The following EYS variants were observed in gnomAD, a reference collection of about 807,000 sequenced individuals.
The protein encoded by EYS is EGF-like photoreceptor maintenance factor.
A neutral mutation model predicts 282.1 loss-of-function variants in EYS; 250 were observed. That is an observed-to-expected ratio of 0.89 (90% confidence interval 0.80 to 0.98). The LOEUF (loss-of-function observed/expected upper bound fraction) is 0.98. EYS is among the 50% of genes least tolerant of loss of function. EYS has a pLI of 0.00. For synonymous variants in EYS, 1,355 were observed against 1,282.9 expected (o/e 1.06, Z -1.20); for missense variants, 4,016 against 3,709.0 (o/e 1.08, Z -2.15).
At chr6:63,864,992 C>A (rs1772636668) in intron 35 of EYS, among the ~76,000 whole-genome samples, 1 of 152,206 alleles carries the variant, frequency 6.6e-6, no homozygotes, top group Non-Finnish European at 1.5e-5. Context: ...TTTGTTATTT[C>A]TGCCTCTCTG....
intron 12 of EYS, among the ~76,000 whole-genome samples, chr6:65,274,264 A>G (rs956544709): frequency 1.3e-5 from 2 of 152,194 alleles, no homozygotes; most frequent in Non-Finnish European, 2.9e-5. Flanking sequence ...AAGATTGCAG[A>G]GGTTAGTTCT....
At chr6:64,824,437 T>C (rs1434344520) in intron 19 of EYS, among the ~76,000 whole-genome samples, 2 of 151,956 alleles carry the variant, frequency 1.3e-5, no homozygotes, top group Non-Finnish European at 2.9e-5. Context: ...AAAAACAACC[T>C]AGCCAAGGTC....
At chr6:64,633,676 T>C (rs13215519) in intron 22 of EYS, among the ~76,000 whole-genome samples, 80 of 151,120 alleles carry the variant, frequency 5.3e-4, no homozygotes, top group Non-Finnish European at 9.1e-4. Context: ...ACCCCCATCA[T>C]TGGAAAGTTG....
chr6:63,940,413 A>C (rs182051902), intron 35 of EYS, among the ~76,000 whole-genome samples: 3 of 152,190 alleles, frequency 2.0e-5, no homozygotes, highest in African/African-American at 7.2e-5. Flanking sequence ...TTTTAATCTT[A>C]TATTGAAAAT....
intron 19 of EYS, among the ~76,000 whole-genome samples, chr6:64,862,950 G>A (rs1033024770): frequency 6.6e-6 from 1 of 151,990 alleles, no homozygotes. Flanking sequence ...TCCATTTAAA[G>A]TTGTGTTGGG....
intron 8 of EYS, among the ~76,000 whole-genome samples, chr6:65,381,166 C>G (rs925431191): frequency 1.3e-5 from 2 of 152,004 alleles, no homozygotes; most frequent in Admixed American, 1.3e-4. Flanking sequence ...AGCATGCACA[C>G]GTATGTTTAT....
rs115312666 is a variant in EYS, at chr6:63,930,512, G to A, written c.7055+53871C>T. 9.1e-4 allele frequency among the ~76,000 whole-genome samples: 138 copies of A among 152,194 alleles called. 1 individual carries two copies. The highest frequency in any genetic ancestry group is 3.2e-3 in the African/African-American group (134 of 41,532). ...CAATCTCTCTTCAAACTAGCATACTGAAGGGGTCTTCATATCCTAAAACAA... is the reference window on the plus strand; with the variant it reads ...CAATCTCTCTTCAAACTAGCATACTAAAGGGGTCTTCATATCCTAAAACAA... On this transcript the variant is annotated intron_variant, in intron 35 of 42. Transcript: ENST00000503581.
At chr6:64,461,706 G>C (rs1477283278) in intron 26 of EYS, among the ~76,000 whole-genome samples, 2 of 152,122 alleles carry the variant, frequency 1.3e-5, no homozygotes, top group African/African-American at 4.8e-5. Flanking sequence ...AGTAAGAAGA[G>C]TGGATCTTTA....
intron 16 of EYS, among the ~76,000 whole-genome samples, chr6:64,906,440 A>C (rs1357811815): frequency 2.0e-5 from 3 of 152,202 alleles, no homozygotes; most frequent in African/African-American, 7.2e-5. Context: ...TTTAATTGTC[A>C]ACAGGAGTAA....
At chr6:64,910,633 G>A (rs1767961748) in intron 16 of EYS, among the ~76,000 whole-genome samples, 1 of 151,686 alleles carries the variant, frequency 6.6e-6, no homozygotes, top group African/African-American at 2.4e-5. Flanking sequence ...AATACTAAGG[G>A]GAAATAAGAT....
intron 31 of EYS, among the ~76,000 whole-genome samples, chr6:64,229,120 C>G (rs941305708): frequency 3.9e-5 from 6 of 152,040 alleles, no homozygotes; most frequent in Non-Finnish European, 8.8e-5. Context: ...ACTAAAAATA[C>G]AAAAGTTAGC....
At chr6:65,569,816 T>G (rs1764414350) in intron 2 of EYS, among the ~76,000 whole-genome samples, 1 of 152,178 alleles carries the variant, frequency 6.6e-6, no homozygotes, top group Non-Finnish European at 1.5e-5. Context: ...ATCCAGTCTC[T>G]GAATTGGGGG....
rs1039550616 is a variant in EYS, at chr6:65,324,683, G to C, written c.1766+10297C>G. Among the ~76,000 whole-genome samples the C allele has an allele frequency of 1.2e-4, 18 of 152,202 alleles. 1 individual carries two copies. Among genetic ancestry groups the C allele is most frequent in the Admixed American group, 5.2e-4 (8 of 15,280 alleles). On this transcript the variant is annotated intron_variant, in intron 11 of 42. Transcript: ENST00000503581. ...CAAGAAAGAGGACATGAGACCATTT[G>C]ATTGTACATAAGTAACCTGGACTTT...
intron 22 of EYS, among the ~76,000 whole-genome samples, chr6:64,706,182 C>T (rs1771007186): frequency 6.6e-6 from 1 of 152,104 alleles, no homozygotes; most frequent in African/African-American, 2.4e-5. Flanking sequence ...TTACAGCCAA[C>T]TAATCTTCAA....
Position 64,591,638 on chromosome 6 carries a change from A to G in EYS, c.4229T>C (p.Leu1410Ser), listed in dbSNP as rs1766413973. 6.4e-7 allele frequency: 1 copy of G among 1,551,138 alleles called. No individual in the cohort carries two copies. The highest frequency in any genetic ancestry group is 2.4e-5 in the East Asian group (1 of 40,910). ...AGCAACAGTCTGACAGTTCTCAAAT[A>G]ATAAAGATTGTGTAGGAAAAATAAA... Reference protein sequence around the residue: ...SDFIFPTQSLLFENCQTVALS... With the variant: ...SDFIFPTQSLSFENCQTVALS... The change falls in exon 26 of 43, where the codon TTA becomes TCA. Residue 1410 changes from leucine (L) to serine (S), a missense_variant. Transcript: ENST00000503581.
rs372122454 is a variant in EYS, at chr6:65,243,920, T to C, written c.2023+51943A>G. 2.6e-4 allele frequency among the ~76,000 whole-genome samples: 39 copies of C among 152,282 alleles called. 1 individual carries two copies. In the South Asian group the frequency reaches 8.1e-3, roughly 32 times the overall value. On this transcript the variant is annotated intron_variant, in intron 12 of 42. Transcript: ENST00000503581. ...AATCTGTTTCAAAGTAATTTGTTTT[T>C]AAAGTTTGTATTTTTTTCCATTTTG...
At chr6:65,235,864 C>T (rs747547592) in intron 12 of EYS, among the ~76,000 whole-genome samples, 19 of 151,764 alleles carry the variant, frequency 1.3e-4, no homozygotes, top group Non-Finnish European at 1.9e-4. Flanking sequence ...TGATTAATGA[C>T]TCTTTAAAGG....
intron 31 of EYS, among the ~76,000 whole-genome samples, chr6:64,228,733 TTTCCTATA>T (rs1365111689): frequency 3.3e-5 from 5 of 152,174 alleles, no homozygotes; most frequent in Admixed American, 2.0e-4. Context: ...CTGAGGTCAC[TTTCCTATA>T]TTCTGCCACC....
Position 65,371,741 on chromosome 6 carries a change from CTG to C in EYS, c.1299+12643_1299+12644del, listed in dbSNP as rs112663745. 8.9e-3 allele frequency among the ~76,000 whole-genome samples: 624 copies of C among 70,220 alleles called. 3 individuals carry two copies. Among genetic ancestry groups the C allele is most frequent in the Middle Eastern group, 0.042 (4 of 96 alleles). 46.1% of individuals were successfully genotyped at this position (70,220 alleles called of 152,430 possible). On this transcript the variant is annotated intron_variant, in intron 8 of 42. Transcript: ENST00000503581. The stretch of plus-strand genomic sequence containing the variant: ...TCTCTCTCTCTCTCTCTCTCTCTCT[CTG>C]TGTGTGTGTGTGTGTGTGTGTGTGT...
Sources: allele counts gnomAD v4.1 joint callset (sites outside exome capture counted in the v4.1 genomes callset), GRCh38; gene constraint gnomAD v4.1.1; transcripts MANE v1.5; gene names NCBI Gene and HGNC (gene_info 2026-07-23, HGNC 2026-07-21).